Variants in SEMA3D observed in about 807,000 individuals in gnomAD.
SEMA3D encodes semaphorin-3D.
In SEMA3D, 84 loss-of-function variants were observed where a neutral mutation model predicts 100.1. The ratio of observed to expected loss-of-function variants is 0.84; its 90% CI spans 0.70 to 1.01. The LOEUF (loss-of-function observed/expected upper bound fraction) is 1.01. SEMA3D is among the 50% of genes least tolerant of loss of function. The pLI is 0.00. For missense variants in SEMA3D, 875 were observed against 934.1 expected (o/e 0.94, Z 0.82); for synonymous variants, 312 against 320.7 (o/e 0.97, Z 0.29).
In SEMA3D at chr7:85,121,765, G is replaced by T. The variant is rs779859632; in HGVS notation, c.127C>A (p.Pro43Thr). Residue 43 changes from proline to threonine, a missense_variant, in exon 3 of 19, where the codon CCA becomes ACA. Coordinates refer to ENST00000284136, the MANE Select transcript of SEMA3D (RefSeq NM_001384900.1). ...CCTTTGTAGGTTAGCTTGAGTCTTG[G>T]AATATTTTGCTTCAAAGTGCCAGTG... ...PVTGTLKQNI[P>T]RLKLTYKDLL... 6.3e-7 allele frequency: 1 copy of T among 1,595,886 alleles called. No individual in the cohort carries two copies. Among genetic ancestry groups the T allele is most frequent in the Non-Finnish European group, 8.6e-7 (1 of 1,169,588 alleles).
At chr7:85,144,435 C>T (rs929498603) in intron 2 of SEMA3D, 20 of 976,436 alleles carry the variant, frequency 2.0e-5, no homozygotes, top group Admixed American at 1.8e-4. Context: ...AATACCCACA[C>T]ACTTCATCCT....
At chr7:85,060,083 C>G (rs1791431420) in intron 8 of SEMA3D, among the ~76,000 whole-genome samples, 2 of 152,166 alleles carry the variant, frequency 1.3e-5, no homozygotes, top group Non-Finnish European at 2.9e-5. Context: ...ATGCCATAGA[C>G]AGTCTTATTC....
intron 2 of SEMA3D, among the ~76,000 whole-genome samples, chr7:85,152,074 C>G (rs184232089): frequency 2.0e-5 from 3 of 151,940 alleles, no homozygotes; most frequent in Non-Finnish European, 1.5e-5. Context: ...ATTTATTAAC[C>G]ATTTATCTCT....
At chr7:85,205,605 T>A in the SEMA3D span, among the ~76,000 whole-genome samples, 1 of 151,994 alleles carries the variant, frequency 6.6e-6, no homozygotes, top group Non-Finnish European at 1.5e-5. Context: ...TCTCTTGGAT[T>A]AAAAAAAATC....
chr7:85,219,908 G>T, the SEMA3D span, among the ~76,000 whole-genome samples: 1 of 152,022 alleles, frequency 6.6e-6, no homozygotes, highest in Non-Finnish European at 1.5e-5. Flanking sequence ...ACCTATTTAA[G>T]TCACCTACAA....
At chr7:85,141,937 T>C (rs1562833034) in intron 2 of SEMA3D, 1 of 982,684 alleles carries the variant, frequency 1.0e-6, no homozygotes, top group East Asian at 1.1e-4. Flanking sequence ...GCAATGCACT[T>C]TGCACTCAAA....
At chr7:85,113,267 T>C (rs1194337721) in intron 3 of SEMA3D, among the ~76,000 whole-genome samples, 1 of 152,270 alleles carries the variant, frequency 6.6e-6, no homozygotes, top group Middle Eastern at 3.4e-3. Flanking sequence ...ACCTCCATGA[T>C]TCCTTACTTA....
the SEMA3D span, among the ~76,000 whole-genome samples, chr7:85,238,710 G>A: frequency 6.6e-6 from 1 of 152,112 alleles, no homozygotes. Context: ...TTAGATTTAG[G>A]TTGTCAATAT....
intron 2 of SEMA3D, among the ~76,000 whole-genome samples, chr7:85,138,636 A>T (rs969129084): frequency 2.3e-5 from 3 of 131,770 alleles, no homozygotes; most frequent in African/African-American, 9.2e-5. Flanking sequence ...ATATAAATTA[A>T]ATTATATATA....
At chr7:85,149,719 T>C (rs61131189) in intron 2 of SEMA3D, among the ~76,000 whole-genome samples, 27,862 of 152,054 alleles carry the variant, frequency 0.18, 2,753 homozygotes, top group Non-Finnish European at 0.23. Flanking sequence ...TCAGAGGCTA[T>C]TGGACTTCTC....
chr7:85,003,437 A>G (rs1374625405), intron 18 of SEMA3D, among the ~76,000 whole-genome samples: 2 of 152,074 alleles, frequency 1.3e-5, no homozygotes, highest in Non-Finnish European at 2.9e-5. Flanking sequence ...TAAAAAAATC[A>G]TAAAATAACT....
chr7:85,234,123 C>T, the SEMA3D span, among the ~76,000 whole-genome samples: 4 of 152,098 alleles, frequency 2.6e-5, no homozygotes, highest in African/African-American at 9.7e-5. Context: ...TTTATTGTTT[C>T]CAGCATAAAA....
At chr7:85,065,991 C>A (rs1032812703) in intron 7 of SEMA3D, among the ~76,000 whole-genome samples, 3 of 152,052 alleles carry the variant, frequency 2.0e-5, no homozygotes, top group Admixed American at 6.6e-5. Context: ...CCTCAATGAC[C>A]ACAAATTTTC....
chr7:85,092,699 C>A (rs2116290499), intron 4 of SEMA3D, among the ~76,000 whole-genome samples: 1 of 151,916 alleles, frequency 6.6e-6, no homozygotes, highest in Non-Finnish European at 1.5e-5. Context: ...TTATGTAAGT[C>A]TTTGAACCAA....
At chr7:85,244,823 G>T in the SEMA3D span, among the ~76,000 whole-genome samples, 1 of 147,100 alleles carries the variant, frequency 6.8e-6, no homozygotes, top group Non-Finnish European at 1.5e-5. Context: ...TGATTCTCTT[G>T]CTTCAGCCTC....
rs79787044 is a variant in SEMA3D, at chr7:85,056,652, A to G, written c.719-793T>C. Among the ~76,000 whole-genome samples the G allele has an allele frequency of 2.3e-3, 340 of 149,776 alleles. 1 individual carries two copies. The highest frequency in any genetic ancestry group is 7.6e-3 in the African/African-American group (314 of 41,134). On this transcript the variant is annotated intron_variant, in intron 8 of 18. Coordinates refer to ENST00000284136, the MANE Select transcript of SEMA3D (RefSeq NM_001384900.1). ...TATATATAGCATTAAATTTCTTTATACAACAAACATTTAGCTTTAACACCT... is the reference window on the plus strand; with the variant it reads ...TATATATAGCATTAAATTTCTTTATGCAACAAACATTTAGCTTTAACACCT...
chr7:85,193,816 T>C, the SEMA3D span, among the ~76,000 whole-genome samples: 1 of 151,822 alleles, frequency 6.6e-6, no homozygotes, highest in Non-Finnish European at 1.5e-5. Context: ...GTTCTTTTTA[T>C]ATAGTATATC....
chr7:85,042,752 T>C (rs1790899058), intron 9 of SEMA3D, among the ~76,000 whole-genome samples: 1 of 152,128 alleles, frequency 6.6e-6, no homozygotes, highest in Non-Finnish European at 1.5e-5. Context: ...GGCAAGATCA[T>C]TGCCTCAAAC....
At position 85,037,047 on chromosome 7, in the gene SEMA3D, G is replaced by A; in HGVS notation, c.1047-14C>T. 1.2e-6 allele frequency: 2 copies of A among 1,607,160 alleles called. No homozygotes were observed. Among genetic ancestry groups the A allele is most frequent in the South Asian group, 1.1e-5 (1 of 90,498 alleles). Reference sequence around the variant, plus strand: ...TTGAAGATGGAGCTGGAAAAAAAAAGCATCATCATTCAATCATTCACTGAT... The same window carrying A: ...TTGAAGATGGAGCTGGAAAAAAAAAACATCATCATTCAATCATTCACTGAT... On this transcript the variant is annotated splice_polypyrimidine_tract_variant and intron_variant, in intron 11 of 18. Coordinates refer to ENST00000284136, the MANE Select transcript of SEMA3D (RefSeq NM_001384900.1).
Sources: gnomAD v4.1 joint callset for allele counts (sites outside exome capture counted in the v4.1 genomes callset) on GRCh38, gnomAD v4.1.1 for gene constraint, MANE v1.5 for transcripts, NCBI Gene and HGNC (gene_info 2026-07-23, HGNC 2026-07-21) for gene names.